PPFIA2: variants seen among roughly 807,000 people sequenced by gnomAD.
PPFIA2 encodes the protein liprin-alpha-2.
PPFIA2 carries 46 observed loss-of-function variants against 175.5 expected under a neutral mutation model. The observed-to-expected ratio is 0.26, with a 90% CI of 0.21 to 0.34. The LOEUF (loss-of-function observed/expected upper bound fraction) is 0.34. Ranked by LOEUF, PPFIA2 falls within the 10% of genes least tolerant of loss-of-function variation. PPFIA2 has a pLI of 1.00. For missense variants in PPFIA2, 1,179 were observed against 1,506.1 expected, an observed-to-expected ratio of 0.78 and a Z score of 3.60; for synonymous variants, 568 against 511.4, an observed-to-expected ratio of 1.11 and a Z score of -1.49.
At chr12:81,320,625 C>T (rs773863582) in intron 22 of PPFIA2, among the ~76,000 whole-genome samples, 1 of 151,862 alleles carries the variant, frequency 6.6e-6, no homozygotes, top group Non-Finnish European at 1.5e-5. Context: ...AAGATTTCAG[C>T]ATGGATATAT....
chr12:81,332,622 GGGATAT>G (rs2056355210), intron 21 of PPFIA2, among the ~76,000 whole-genome samples: 4 of 152,038 alleles, frequency 2.6e-5, no homozygotes, highest in African/African-American at 9.7e-5. Context: ...TCATTTATAT[GGGATAT>G]CCTCAAGATG....
At chr12:81,606,369 GT>G (rs1415616584) in intron 4 of PPFIA2, among the ~76,000 whole-genome samples, 1 of 151,914 alleles carries the variant, frequency 6.6e-6, no homozygotes, top group African/African-American at 2.4e-5. Flanking sequence ...TTGTAGCTCT[GT>G]TTTAAGTTAT....
At chr12:81,363,465 T>A (rs2031833454) in intron 14 of PPFIA2, among the ~76,000 whole-genome samples, 1 of 151,596 alleles carries the variant, frequency 6.6e-6, no homozygotes, top group Non-Finnish European at 1.5e-5. Context: ...AGATAGGGGT[T>A]GTCTTAGAGC....
intron 4 of PPFIA2, among the ~76,000 whole-genome samples, chr12:81,597,066 T>C (rs2059325325): frequency 6.6e-6 from 1 of 152,116 alleles, no homozygotes; most frequent in South Asian, 2.1e-4. Flanking sequence ...TTTCCAAGTA[T>C]GGTATAATTA....
intron 4 of PPFIA2, among the ~76,000 whole-genome samples, chr12:81,483,988 C>A (rs1428400016): frequency 6.6e-6 from 1 of 151,746 alleles, no homozygotes; most frequent in African/African-American, 2.4e-5. Context: ...TGAAGTATCC[C>A]TCGGGGTAGG....
At chr12:81,745,678 G>C (rs1033975339) in intron 3 of PPFIA2, among the ~76,000 whole-genome samples, 2 of 152,156 alleles carry the variant, frequency 1.3e-5, no homozygotes, top group African/African-American at 4.8e-5. Context: ...CATGAGGACC[G>C]CAGTTGCTCT....
chr12:81,384,426 A>C (rs191832681), intron 8 of PPFIA2, among the ~76,000 whole-genome samples, 182 bp from the exon 9 acceptor site: 4 of 152,140 alleles, frequency 2.6e-5, no homozygotes, highest in Non-Finnish European at 4.4e-5. Flanking sequence ...TTAAAATATG[A>C]AGGTAGATCA....
chr12:81,649,523 T>C (rs956712600), intron 4 of PPFIA2, among the ~76,000 whole-genome samples: 2 of 152,192 alleles, frequency 1.3e-5, no homozygotes, highest in Non-Finnish European at 2.9e-5. Flanking sequence ...CAAAGTTAAA[T>C]ATGCACTCAT....
At chr12:81,414,197 C>T (rs2044521647) in intron 7 of PPFIA2, among the ~76,000 whole-genome samples, 1 of 151,628 alleles carries the variant, frequency 6.6e-6, no homozygotes, top group African/African-American at 2.4e-5. Context: ...TGCTGTAATG[C>T]CTTTTGGTAA....
chr12:81,685,020 T>C (rs867509494), intron 3 of PPFIA2, among the ~76,000 whole-genome samples: 35 of 152,200 alleles, frequency 2.3e-4, no homozygotes, highest in Middle Eastern at 6.8e-3. Context: ...TGACCTAACA[T>C]GTATGTCTGG....
intron 4 of PPFIA2, among the ~76,000 whole-genome samples, chr12:81,625,341 G>A (rs2062574357): frequency 6.6e-6 from 1 of 151,790 alleles, no homozygotes; most frequent in African/African-American, 2.4e-5. Context: ...AATATGTCGA[G>A]GTTGTCTATA....
intron 3 of PPFIA2, among the ~76,000 whole-genome samples, chr12:81,707,513 C>G (rs1422233194): frequency 6.6e-6 from 1 of 151,586 alleles, no homozygotes; most frequent in Admixed American, 6.6e-5. Flanking sequence ...ATTAAAAAGT[C>G]AGGAAACAAC....
At chr12:81,498,871 C>T (rs978135501) in intron 4 of PPFIA2, among the ~76,000 whole-genome samples, 1 of 152,156 alleles carries the variant, frequency 6.6e-6, no homozygotes, top group African/African-American at 2.4e-5. Flanking sequence ...GATCCCCCTG[C>T]CTTGGCCTCC....
chr12:81,738,865 A>G (rs2081975948), intron 3 of PPFIA2, among the ~76,000 whole-genome samples: 1 of 151,956 alleles, frequency 6.6e-6, no homozygotes, highest in East Asian at 1.9e-4. Flanking sequence ...ACACAGACAC[A>G]TTGAAATTAG....
intron 3 of PPFIA2, among the ~76,000 whole-genome samples, chr12:81,732,773 T>C (rs890958593): frequency 6.6e-6 from 1 of 151,580 alleles, no homozygotes. Flanking sequence ...GAGAATAGCA[T>C]CTTTCTCTTA....
chr12:81,380,036 T>C (rs2037287575), intron 9 of PPFIA2, among the ~76,000 whole-genome samples: 1 of 152,190 alleles, frequency 6.6e-6, no homozygotes, highest in Admixed American at 6.6e-5. Context: ...ATGCTAGCAA[T>C]GCTATAGGAG....
intron 3 of PPFIA2, among the ~76,000 whole-genome samples, chr12:81,733,961 C>T (rs927378557): frequency 2.6e-5 from 4 of 151,692 alleles, no homozygotes; most frequent in East Asian, 1.9e-4. Flanking sequence ...AACTAGATAA[C>T]GTGCCTGCTA....
chr12:81,397,313 TATC>T (rs2041316476), intron 8 of PPFIA2, among the ~76,000 whole-genome samples: 1 of 151,956 alleles, frequency 6.6e-6, no homozygotes, highest in Admixed American at 6.6e-5. Context: ...AAGACAGACT[TATC>T]ATCTGTTCTT....
chr12:81,304,416 G>T (rs2048640215), intron 22 of PPFIA2, among the ~76,000 whole-genome samples: 1 of 152,166 alleles, frequency 6.6e-6, no homozygotes, highest in African/African-American at 2.4e-5. Flanking sequence ...GAGGAAGGAA[G>T]ATTTGTATAA....
Sources: gnomAD v4.1 joint callset for allele counts (sites outside exome capture counted in the v4.1 genomes callset) on GRCh38, gnomAD v4.1.1 for gene constraint, MANE v1.5 for transcripts, NCBI Gene and HGNC (gene_info 2026-07-23, HGNC 2026-07-21) for gene names.